The following MLST8 variants were observed in gnomAD, a reference collection of about 807,000 sequenced individuals.
MLST8 encodes the protein MTOR associated protein MLST8.
In MLST8, 20 loss-of-function variants were observed where a neutral mutation model predicts 41.3. That is an observed-to-expected ratio of 0.48 (90% CI 0.34 to 0.70). MLST8 has a LOEUF of 0.70. MLST8 is among the 30% of genes least tolerant of loss of function. MLST8 has a pLI of 0.01. For missense variants in MLST8, 422 were observed against 454.3 expected, an observed-to-expected ratio of 0.93 and a Z score of 0.65; for synonymous variants, 243 against 183.0, an observed-to-expected ratio of 1.33 and a Z score of -2.65.
At chr16:2,207,826 A>AT (rs1020091392) in intron 6 of MLST8, 16 of 220,024 alleles carry the variant, frequency 7.3e-5, no homozygotes, top group Admixed American at 1.6e-4. Flanking sequence ...CTCCAGCCTC[A>AT]TTTTTTTTCA....
intron 6 of MLST8, chr16:2,207,751 C>T (rs2093323352): frequency 4.0e-6 from 1 of 252,388 alleles, no homozygotes; most frequent in Admixed American, 5.1e-5. Context: ...GGCGTCATTC[C>T]CCTGAGGAGA....
At chr16:2,205,977 TA>T in intron 1 of MLST8, 53 bp from the exon 2 acceptor site, 1 of 1,486,904 alleles carries the variant, frequency 6.7e-7, no homozygotes, top group Non-Finnish European at 8.9e-7. Flanking sequence ...TGTGGGTCTA[TA>T]ATCTACTTAG....
intron 4 of MLST8, 57 bp downstream of exon 4, chr16:2,206,716 G>A: frequency 2.5e-6 from 4 of 1,582,478 alleles, no homozygotes; most frequent in South Asian, 1.1e-5. Flanking sequence ...CTGGGAGACC[G>A]TTTTAGGTTG....
intron 6 of MLST8, chr16:2,207,943 A>G (rs1419210916): frequency 2.6e-6 from 1 of 384,086 alleles, no homozygotes; most frequent in Non-Finnish European, 4.7e-6. Flanking sequence ...TCTCCTGTCT[A>G]CTTCCGTTGG....
chr16:2,207,017 C>T lies in MLST8; in HGVS notation c.345-18C>T, dbSNP rs930748420. ...AACAAGCCCAGATGGACAGCATGTG[C>T]CCCGGCCCGGCCCGCAGGTCCCGGA... On this transcript the variant is annotated intron_variant, in intron 4 of 8. Transcript: ENST00000569417. The T allele has an allele frequency of 6.2e-7, 1 of 1,612,098 alleles. No homozygotes were observed. Among genetic ancestry groups the T allele is most frequent in the Non-Finnish European group, 8.5e-7 (1 of 1,179,478 alleles).
rs963036671 is a variant in MLST8, at chr16:2,208,196, C to G, written c.574-14C>G. Reference sequence around the variant, plus strand: ...AGGCCTTGGGCCCTCCGTGACGGTCCTCCTGACCTCTAGGGAAACTGCTAT... The same window carrying G: ...AGGCCTTGGGCCCTCCGTGACGGTCGTCCTGACCTCTAGGGAAACTGCTAT... On this transcript the variant is annotated splice_polypyrimidine_tract_variant and intron_variant, in intron 6 of 8. Coordinates refer to ENST00000569417, the MANE Select transcript of MLST8 (RefSeq NM_022372.6). 1.9e-6 allele frequency: 3 copies of G among 1,599,254 alleles called. No homozygotes were observed. The East Asian group carries it at 6.7e-5, about 36-fold the overall frequency.
Position 2,207,312 on chromosome 16 carries a change from C to G in MLST8, c.540C>G (p.Pro180=), listed in dbSNP as rs745908095. The change falls in exon 6 of 9, where the codon CCC becomes CCG. Residue 180 remains proline, a synonymous_variant. Transcript: ENST00000569417. ...CCATCACGTCCGCCCACATCGATCC[C>G]GACGCCAGCTACATGGCAGCTGTCA... ...EVSITSAHID[P]DASYMAAVNS... is the part of the protein sequence containing the mutation. 3.1e-6 allele frequency: 5 copies of G among 1,614,166 alleles called. No homozygotes were observed. In the Admixed American group the frequency reaches 6.7e-5, roughly 22 times the overall value.
At chr16:2,205,672 CGCTGGCCTGCT>C (rs1310263682) in intron 1 of MLST8, 160 bp downstream of exon 1, 58 of 989,530 alleles carry the variant, frequency 5.9e-5, no homozygotes, top group African/African-American at 2.8e-4. Flanking sequence ...CAGGGCCTGC[CGCTGGCCTGCT>C]ACGCATGCGC....
Position 2,208,619 on chromosome 16 carries a change from C to G in MLST8, c.862+6C>G. The stretch of plus-strand genomic sequence containing the variant: ...CTCCCAGTACATCGTCACTGGTGAG[C>G]CCCGCCCTGGCCTCCCCCATCCCTG... On this transcript the variant is annotated splice_donor_region_variant and intron_variant, in intron 8 of 8. Transcript: ENST00000569417. 6.2e-7 allele frequency: 1 copy of G among 1,611,968 alleles called. No homozygotes were observed. The highest frequency in any genetic ancestry group is 8.5e-7 in the Non-Finnish European group (1 of 1,179,402).
At position 2,209,348 on chromosome 16, in the gene MLST8, G is replaced by T; in HGVS notation, c.*471G>T. On this transcript the variant is annotated 3_prime_UTR_variant, in exon 9 of 9. Coordinates refer to ENST00000569417, the MANE Select transcript of MLST8 (RefSeq NM_022372.6). ...CTGGATTGGGGACGGGCCAGGCTGG[G>T]CCAGGTCGGGGGCTCAGTCTGGGAG... The T allele has an allele frequency of 1.2e-6, 2 of 1,606,470 alleles. No homozygotes were observed. The highest frequency in any genetic ancestry group is 1.7e-6 in the Non-Finnish European group (2 of 1,174,522).
At chr16:2,206,451 G>T in intron 3 of MLST8, 42 bp downstream of exon 3, 1 of 1,613,568 alleles carries the variant, frequency 6.2e-7, no homozygotes, top group Non-Finnish European at 8.5e-7. Flanking sequence ...AGCTCTGGTG[G>T]GTCGACCTCA....
At chr16:2,207,919 C>G (rs2093327461) in intron 6 of MLST8, 1 of 343,354 alleles carries the variant, frequency 2.9e-6, no homozygotes, top group African/African-American at 2.1e-5. Flanking sequence ...TGCTGTCTCT[C>G]TAGCTGGTGC....
Position 2,209,043 on chromosome 16 carries a change from C to A in MLST8, c.*166C>A. 1 of 745,610 alleles carries A rather than the reference C, an allele frequency of 1.3e-6. No individual in the cohort carries two copies. The highest frequency in any genetic ancestry group is 2.6e-5 in the East Asian group (1 of 38,692). 46.2% of individuals were successfully genotyped at this position (745,610 alleles called of 1,614,324 possible). A position where few individuals can be genotyped will look rare whatever the true frequency, so the allele number is the denominator to read the frequency against. Reference sequence around the variant, plus strand: ...CCAGGCTGCCCTGGGACTCTCAGCCCCCAGTTGCTTATCCAGATGTGACAG... The same window carrying A: ...CCAGGCTGCCCTGGGACTCTCAGCCACCAGTTGCTTATCCAGATGTGACAG... On this transcript the variant is annotated 3_prime_UTR_variant, in exon 9 of 9. Coordinates refer to ENST00000569417, the MANE Select transcript of MLST8 (RefSeq NM_022372.6).
chr16:2,208,293 C>T lies in MLST8; in HGVS notation c.657C>T (p.His219=). The part of the protein sequence containing the change: ...QLIPKTKIPA[H]TRYALQCRFS... ...TCCCCAAGACTAAGATCCCTGCCCACACGCGCTACGCCCTGCAGTGTCGCT... is the reference window on the plus strand; with the variant it reads ...TCCCCAAGACTAAGATCCCTGCCCATACGCGCTACGCCCTGCAGTGTCGCT... The change falls in exon 7 of 9, where the codon CAC becomes CAT. Residue 219 remains histidine (H), a synonymous_variant. Coordinates refer to ENST00000569417, the MANE Select transcript of MLST8 (RefSeq NM_022372.6). The T allele has an allele frequency of 6.2e-7, 1 of 1,613,442 alleles. No individual in the cohort carries two copies. The highest frequency in any genetic ancestry group is 8.5e-7 in the Non-Finnish European group (1 of 1,179,688).
At position 2,205,806 on chromosome 16, in the gene MLST8, G is replaced by T. The variant is rs112805476; in HGVS notation, c.-55-225G>T. 34 of 1,109,882 alleles carry T rather than the reference G, an allele frequency of 3.1e-5. No individual in the cohort carries two copies. In the South Asian group the frequency reaches 6.2e-4, roughly 20 times the overall value. 68.8% of individuals were successfully genotyped at this position (1,109,882 alleles called of 1,614,324 possible). A position where few individuals can be genotyped will look rare whatever the true frequency, so the allele number is the denominator to read the frequency against. On this transcript the variant is annotated intron_variant, in intron 1 of 8. Transcript: ENST00000569417. ...TCCCCCCTGCCGGCTGCGGAGGTGG[G>T]GGGGGGACGGCGCCCCCGCCGTGTG...
rs776018846 is a variant in MLST8, at chr16:2,207,020, C to T, written c.345-15C>T. Reference sequence around the variant, plus strand: ...AAGCCCAGATGGACAGCATGTGCCCCGGCCCGGCCCGCAGGTCCCGGAACC... The same window carrying T: ...AAGCCCAGATGGACAGCATGTGCCCTGGCCCGGCCCGCAGGTCCCGGAACC... On this transcript the variant is annotated splice_polypyrimidine_tract_variant and intron_variant, in intron 4 of 8. Transcript: ENST00000569417. 14 of 1,612,278 alleles carry T rather than the reference C, an allele frequency of 8.7e-6. No homozygotes were observed. The East Asian group carries it at 8.9e-5, about 10-fold the overall frequency.
chr16:2,208,813 G>GAA lies in MLST8; in HGVS notation c.918_919insAA (p.Glu307LysfsTer24). 1 of 1,613,986 alleles carries GAA rather than the reference G, an allele frequency of 6.2e-7. No individual in the cohort carries two copies. ...TGTGTGGAGACTGGAGAGATCAAGA[G>GAA]AGAGTATGGCGGCCACCAGAAGGCT... On this transcript the variant is annotated frameshift_variant, in exon 9 of 9. Coordinates refer to ENST00000569417, the MANE Select transcript of MLST8 (RefSeq NM_022372.6). LOFTEE classifies it high-confidence loss of function.
rs756940448 is a variant in MLST8, at chr16:2,209,355, C to G, written c.*478C>G. 2 of 1,607,980 alleles carry G rather than the reference C, an allele frequency of 1.2e-6. No homozygotes were observed. The highest frequency in any genetic ancestry group is 3.3e-5 in the Admixed American group (2 of 59,846). On this transcript the variant is annotated 3_prime_UTR_variant, in exon 9 of 9. Transcript: ENST00000569417. ...GGGGACGGGCCAGGCTGGGCCAGGT[C>G]GGGGGCTCAGTCTGGGAGGTAATAA...
rs544187577 is a variant in MLST8, at chr16:2,207,464, CACTA to C, written c.573+122_573+125del. On this transcript the variant is annotated intron_variant, in intron 6 of 8. Transcript: ENST00000569417. The stretch of plus-strand genomic sequence containing the variant: ...CCCCTCCTGCTTTCCCCATCCCGGG[CACTA>C]ACACCCACCTTGCCAGCAAAGCCAG... 813 of 1,257,762 alleles carry C rather than the reference CACTA, an allele frequency of 6.5e-4. 20 individuals carry two copies. The South Asian group carries it at 0.011, about 16-fold the overall frequency. 77.9% of individuals were successfully genotyped at this position (1,257,762 alleles called of 1,614,324 possible).
Sources: gnomAD v4.1 joint callset for allele counts on GRCh38, gnomAD v4.1.1 for gene constraint, MANE v1.5 for transcripts, NCBI Gene and HGNC (gene_info 2026-07-23, HGNC 2026-07-21) for gene names.